Variants in ATP10B observed in about 807,000 individuals in gnomAD.
ATP10B encodes the protein ATPase phospholipid transporting 10B (putative), also known as phospholipid-transporting ATPase VB.
ATP10B carries 122 observed loss-of-function variants against 141.2 expected under a neutral mutation model. The observed-to-expected ratio is 0.86, with a 90% CI of 0.75 to 1.00. The LOEUF (loss-of-function observed/expected upper bound fraction) is 1.00. ATP10B is among the 50% of genes least tolerant of loss of function. The pLI is 0.00. For missense variants in ATP10B, 1,876 were observed against 1,825.3 expected (o/e 1.03, Z -0.51); for synonymous variants, 685 against 692.0 (o/e 0.99, Z 0.16).
At chr5:160,803,692 T>A (rs1423706576) in intron 1 of ATP10B, among the ~76,000 whole-genome samples, 1 of 151,910 alleles carries the variant, frequency 6.6e-6, no homozygotes, top group African/African-American at 2.4e-5. Flanking sequence ...ATAAAATAAA[T>A]AAAAAGAGGT....
intron 25 of ATP10B, among the ~76,000 whole-genome samples, chr5:160,568,801 C>A (rs1258395308): frequency 3.9e-5 from 6 of 152,166 alleles, no homozygotes; most frequent in Admixed American, 3.9e-4. Flanking sequence ...CAAGGCAAGG[C>A]AAGGCAAGGC....
intron 15 of ATP10B, among the ~76,000 whole-genome samples, chr5:160,618,875 G>A (rs956350727): frequency 2.6e-5 from 4 of 151,794 alleles, no homozygotes; most frequent in African/African-American, 9.7e-5. Flanking sequence ...TTTTTTAAAG[G>A]TCCTAAGATT....
At chr5:160,777,395 G>C (rs1350635813) in intron 2 of ATP10B, among the ~76,000 whole-genome samples, 1 of 152,156 alleles carries the variant, frequency 6.6e-6, no homozygotes, top group Non-Finnish European at 1.5e-5. Flanking sequence ...AATCCTGCTG[G>C]CCAGTCCATG....
In ATP10B at chr5:160,687,903, C is replaced by A. The variant is rs893565034; in HGVS notation, c.172G>T (p.Asp58Tyr). 2 of 1,614,014 alleles carry A rather than the reference C, an allele frequency of 1.2e-6. No homozygotes were observed. Among genetic ancestry groups the A allele is most frequent in the Non-Finnish European group, 1.7e-6 (2 of 1,180,032 alleles). Residue 58 changes from aspartate (D) to tyrosine (Y), a missense_variant, in exon 5 of 26, where the codon GAT becomes TAT. Physicochemically the swap from Asp to Tyr is radical, Grantham distance 160. Transcript: ENST00000327245. ...TATCTCCTGGAGACCTCTTCCCAAT[C>A]TTGATGGAATATGCTGTTGTTGGGG... ...VFPNNSIFHQDWEEVSRRYPG... is the reference protein window; with the variant it reads ...VFPNNSIFHQYWEEVSRRYPG...
Position 160,694,221 on chromosome 5 carries a change from A to T in ATP10B, c.-204-5278T>A, listed in dbSNP as rs1026348019. ...CTTCTTCCTGAGAGTGGAACAGGAA[A>T]CAAAGAGGGATTGCATAATCCCATT... On this transcript the variant is annotated intron_variant, in intron 3 of 25. Transcript: ENST00000327245. 4.6e-5 allele frequency among the ~76,000 whole-genome samples: 7 copies of T among 152,326 alleles called. 1 individual carries two copies. Among genetic ancestry groups the T allele is most frequent in the Admixed American group, 4.6e-4 (7 of 15,308 alleles).
intron 18 of ATP10B, among the ~76,000 whole-genome samples, chr5:160,609,381 ATT>A (rs11341335): frequency 3.0e-3 from 425 of 143,082 alleles, no homozygotes; most frequent in Middle Eastern, 7.1e-3. Flanking sequence ...GCCATAACTT[ATT>A]TTTTTTTTTT....
At chr5:160,928,621 A>G in the ATP10B span, among the ~76,000 whole-genome samples, 4 of 152,176 alleles carry the variant, frequency 2.6e-5, no homozygotes, top group Non-Finnish European at 5.9e-5. Flanking sequence ...GTAATAATAT[A>G]TAAAGTGCTT....
chr5:160,780,394 CA>C (rs1184538106), intron 2 of ATP10B, among the ~76,000 whole-genome samples: 1 of 152,140 alleles, frequency 6.6e-6, no homozygotes, highest in Non-Finnish European at 1.5e-5. Flanking sequence ...CATTTAATCA[CA>C]ATACTAACAA....
intron 1 of ATP10B, among the ~76,000 whole-genome samples, chr5:160,791,352 G>C (rs138246805): frequency 2.6e-5 from 4 of 152,128 alleles, no homozygotes; most frequent in African/African-American, 9.7e-5. Flanking sequence ...CTATTCATTG[G>C]TAAGTGTGAT....
chr5:160,828,757 C>T lies in ATP10B; in HGVS notation c.-576+23184G>A, dbSNP rs377428207. On this transcript the variant is annotated intron_variant, in intron 1 of 25. Coordinates refer to ENST00000327245, the MANE Select transcript of ATP10B (RefSeq NM_025153.3). ...ATGCTGCTATAAAGACACATGCACA[C>T]GTATGTTTATTGCGGCACTATTCAC... Among the ~76,000 whole-genome samples the T allele has an allele frequency of 1.5e-3, 224 of 151,836 alleles. 1 individual carries two copies. The highest frequency in any genetic ancestry group is 4.5e-3 in the African/African-American group (187 of 41,380).
intron 6 of ATP10B, among the ~76,000 whole-genome samples, chr5:160,677,580 C>T (rs149164420): frequency 4.4e-4 from 67 of 152,286 alleles, no homozygotes; most frequent in African/African-American, 1.4e-3. Context: ...GTTCCAAACT[C>T]GAGCCTGTGG....
chr5:160,788,071 G>A (rs1771298002), intron 1 of ATP10B, among the ~76,000 whole-genome samples: 1 of 152,076 alleles, frequency 6.6e-6, no homozygotes, highest in South Asian at 2.1e-4. Flanking sequence ...TGTTTTATTT[G>A]TTACATTCCC....
chr5:160,761,985 C>A (rs917701600), intron 2 of ATP10B, among the ~76,000 whole-genome samples: 1 of 152,032 alleles, frequency 6.6e-6, no homozygotes, highest in Non-Finnish European at 1.5e-5. Context: ...AACTTCAGAG[C>A]TTGAAGACAA....
intron 1 of ATP10B, among the ~76,000 whole-genome samples, chr5:160,846,973 C>A (rs918056681): frequency 6.6e-6 from 1 of 152,190 alleles, no homozygotes; most frequent in African/African-American, 2.4e-5. Context: ...TAGCAACTGG[C>A]AGATAGTAAG....
chr5:160,637,852 A>C (rs1290540211), intron 10 of ATP10B, among the ~76,000 whole-genome samples: 1 of 152,234 alleles, frequency 6.6e-6, no homozygotes, highest in Non-Finnish European at 1.5e-5. Context: ...AGAAGAAAGG[A>C]AACTTACAGA....
At chr5:160,885,272 C>T in the ATP10B span, among the ~76,000 whole-genome samples, 44 of 152,314 alleles carry the variant, frequency 2.9e-4, 1 homozygote, top group Middle Eastern at 3.4e-3. Context: ...ATAAGGGAAG[C>T]GGATGCAAGG....
chr5:160,594,117 A>G (rs950360620), intron 22 of ATP10B, among the ~76,000 whole-genome samples: 9 of 152,244 alleles, frequency 5.9e-5, no homozygotes, highest in Non-Finnish European at 1.0e-4. Flanking sequence ...TGAAGGAAAA[A>G]ATGTCAAGGG....
At chr5:160,650,161 C>CAT (rs916991065) in intron 7 of ATP10B, among the ~76,000 whole-genome samples, 3 of 148,948 alleles carry the variant, frequency 2.0e-5, no homozygotes, top group African/African-American at 7.5e-5. Flanking sequence ...CATATATATA[C>CAT]ATATATATAC....
chr5:160,873,114 G>GT, the ATP10B span, among the ~76,000 whole-genome samples: 128,138 of 145,460 alleles, frequency 0.88, 57,555 homozygotes, highest in East Asian at 0.98. Flanking sequence ...TATTCCTAAG[G>GT]TTTTTTTTGT....
Sources: allele counts gnomAD v4.1 joint callset (sites outside exome capture counted in the v4.1 genomes callset), GRCh38; gene constraint gnomAD v4.1.1; transcripts MANE v1.5; gene names NCBI Gene and HGNC (gene_info 2026-07-23, HGNC 2026-07-21).